EFNB3: variants seen among roughly 807,000 people sequenced by gnomAD.
The protein encoded by EFNB3 is ephrin B3.
Under a neutral mutation model 29.8 loss-of-function variants are expected in EFNB3, and 14 were observed. The observed-to-expected ratio is 0.47, with a 90% CI of 0.31 to 0.73. EFNB3 has a LOEUF of 0.73. Ranked by LOEUF, EFNB3 falls within the 30% of genes least tolerant of loss-of-function variation. The probability of loss-of-function intolerance (pLI) is 0.05; values close to 1 mark genes in which losing one functional copy is unlikely to be tolerated. For synonymous variants in EFNB3, 216 were observed against 191.6 expected, an observed-to-expected ratio of 1.13 and a Z score of -1.05; for missense variants, 408 against 458.0, an observed-to-expected ratio of 0.89 and a Z score of 1.00.
chr17:7,708,595 C>A lies in EFNB3; in HGVS notation c.509-40C>A. On this transcript the variant is annotated intron_variant, in intron 3 of 4. Coordinates refer to ENST00000226091, the MANE Select transcript of EFNB3 (RefSeq NM_001406.4). The surrounding 1 kb of genome is among the most constrained non-coding windows in gnomAD (Gnocchi z 6.8). ...TGGGGCAGTACGATCATGGTTGGGG[C>A]AGTTGTCTCAGCCCCTCTCTGGGTC... is the stretch of plus-strand genomic sequence containing the variant. The A allele has an allele frequency of 6.3e-7, 1 of 1,585,582 alleles. No individual in the cohort carries two copies. Among genetic ancestry groups the A allele is most frequent in the South Asian group, 1.1e-5 (1 of 87,290 alleles).
rs2074334339 is a variant in EFNB3, at chr17:7,708,276, G to A, written c.415+26G>A. On this transcript the variant is annotated intron_variant, in intron 2 of 4. Coordinates refer to ENST00000226091, the MANE Select transcript of EFNB3 (RefSeq NM_001406.4). The surrounding 1 kb of genome is among the most constrained non-coding windows in gnomAD (Gnocchi z 6.8). ...GTACTGCTGGGCAGAGGGCACGATT[G>A]AGTGGGGGGCTCCTGATACTGAGCA... 6.2e-7 allele frequency: 1 copy of A among 1,603,882 alleles called. No homozygotes were observed. The highest frequency in any genetic ancestry group is 1.3e-5 in the African/African-American group (1 of 74,954).
Position 7,705,763 on chromosome 17 carries a change from T to C in EFNB3, c.122+43T>C, listed in dbSNP as rs757681200. On this transcript the variant is annotated intron_variant, in intron 1 of 4. Transcript: ENST00000226091. This position sits in a 1 kb window ranked among gnomAD's most constrained non-coding sequence, Gnocchi z 5.4. ...GGGGAGATCCCAGACCCTAGGGCAG[T>C]GGGTAGGGAAGCTCTGGGGGCTTGG... The C allele has an allele frequency of 6.6e-7, 1 of 1,517,874 alleles. No homozygotes were observed. The highest frequency in any genetic ancestry group is 8.7e-7 in the Non-Finnish European group (1 of 1,148,440). The allele number at this position is 1,517,874 out of a possible 1,614,324, so 94.0% of individuals were successfully genotyped here.
rs2074339383 is a variant in EFNB3 at position 7,709,214 on chromosome 17, C to T, written c.661C>T (p.Pro221Ser). Reference protein sequence around the residue: ...ATSRGAEGPLPPPSMPAVAGA... With the variant: ...ATSRGAEGPLSPPSMPAVAGA... Reference sequence around the variant, plus strand: ...CTCCCGGGGTGCTGAAGGCCCCCTGCCCCCTCCCAGCATGCCTGCAGTGGC... The same window carrying T: ...CTCCCGGGGTGCTGAAGGCCCCCTGTCCCCTCCCAGCATGCCTGCAGTGGC... The change falls in exon 5 of 5, where the codon CCC (proline) becomes TCC (serine). Residue 221 changes from proline (P) to serine (S), a missense_variant. By Grantham distance (74) the Pro-to-Ser change is moderately conservative. Around this residue, in one of 3 missense-constraint regions of EFNB3, gnomAD observed 233 missense variants for 230.7 expected, o/e 1.01. Coordinates refer to ENST00000226091, the MANE Select transcript of EFNB3 (RefSeq NM_001406.4). This position sits in a 1 kb window ranked among gnomAD's most constrained non-coding sequence, Gnocchi z 4.5. The T allele has an allele frequency of 1.2e-6, 2 of 1,602,956 alleles. No individual in the cohort carries two copies. The highest frequency in any genetic ancestry group is 1.1e-5 in the South Asian group (1 of 90,510).
chr17:7,706,559 A>G (rs1372470328), intron 1 of EFNB3, among the ~76,000 whole-genome samples: 1 of 152,176 alleles, frequency 6.6e-6, no homozygotes, highest in East Asian at 1.9e-4. Flanking sequence ...CTACATGCGG[A>G]TCCCACTTCC....
Position 7,709,499 on chromosome 17 carries a change from G to A in EFNB3, c.946G>A (p.Gly316Ser). ...PFCPHYEKVSGDYGHPVYIVQ... is the reference protein window; with the variant it reads ...PFCPHYEKVSSDYGHPVYIVQ... ...CTGCCCCCACTATGAGAAGGTGAGT[G>A]GTGACTATGGGCATCCTGTGTATAT... Residue 316 changes from glycine (G) to serine (S), a missense_variant, in exon 5 of 5, where the codon GGT becomes AGT. Transcript: ENST00000226091. The surrounding 1 kb of genome is among the most constrained non-coding windows in gnomAD (Gnocchi z 4.5). The A allele has an allele frequency of 6.2e-7, 1 of 1,613,860 alleles. No individual in the cohort carries two copies. The highest frequency in any genetic ancestry group is 8.5e-7 in the Non-Finnish European group (1 of 1,179,890).
chr17:7,706,505 G>A (rs893652204), intron 1 of EFNB3, among the ~76,000 whole-genome samples: 2 of 152,160 alleles, frequency 1.3e-5, no homozygotes, highest in South Asian at 2.1e-4. Context: ...TTCAAGCCAC[G>A]CTGGGTAGGA....
chr17:7,707,551 C>T (rs112243049), intron 1 of EFNB3, among the ~76,000 whole-genome samples: 1 of 152,146 alleles, frequency 6.6e-6, no homozygotes, highest in Non-Finnish European at 1.5e-5. Flanking sequence ...AGGCTCTGCC[C>T]GCATGGTTGG....
At chr17:7,706,432 C>G (rs2074328044) in intron 1 of EFNB3, among the ~76,000 whole-genome samples, 1 of 152,160 alleles carries the variant, frequency 6.6e-6, no homozygotes. Flanking sequence ...ACTCTTCCAT[C>G]AGACCCTCTG....
Position 7,709,822 on chromosome 17 carries a change from T to C in EFNB3, c.*246T>C, listed in dbSNP as rs1275063618. 1.7e-5 allele frequency: 10 copies of C among 576,890 alleles called. No homozygotes were observed. Among genetic ancestry groups the C allele is most frequent in the Non-Finnish European group, 3.1e-5 (10 of 326,812 alleles). The allele number at this position is 576,890 out of a possible 1,614,324, so 35.7% of individuals were successfully genotyped here. A position where few individuals can be genotyped will look rare whatever the true frequency, so the allele number is the denominator to read the frequency against. Reference sequence around the variant, plus strand: ...CTCAGTGTCCCTGGATCCTTTTTCCTTGGGGAGGGGCACAGGCTCAGCCTC... The same window carrying C: ...CTCAGTGTCCCTGGATCCTTTTTCCCTGGGGAGGGGCACAGGCTCAGCCTC... On this transcript the variant is annotated 3_prime_UTR_variant, in exon 5 of 5. Transcript: ENST00000226091. This position sits in a 1 kb window ranked among gnomAD's most constrained non-coding sequence, Gnocchi z 4.5.
Position 7,708,505 on chromosome 17 carries a change from G to A in EFNB3, c.486G>A (p.Lys162=). The A allele has an allele frequency of 6.2e-7, 1 of 1,613,978 alleles. No individual in the cohort carries two copies. The highest frequency in any genetic ancestry group is 8.5e-7 in the Non-Finnish European group (1 of 1,179,958). Residue 162 remains lysine (K), a synonymous_variant, in exon 3 of 5, where the codon AAG becomes AAA. Transcript: ENST00000226091. The surrounding 1 kb of genome is among the most constrained non-coding windows in gnomAD (Gnocchi z 6.8). ...QGGVCLTRGM[K]VLLRVGQSPR... Reference sequence around the variant, plus strand: ...GTGTGTGCCTAACCAGAGGCATGAAGGTGCTTCTCCGAGTGGGACAAAGTG... The same window carrying A: ...GTGTGTGCCTAACCAGAGGCATGAAAGTGCTTCTCCGAGTGGGACAAAGTG...
At chr17:7,706,700 C>T (rs914392982) in intron 1 of EFNB3, among the ~76,000 whole-genome samples, 5 of 152,218 alleles carry the variant, frequency 3.3e-5, no homozygotes, top group Admixed American at 6.5e-5. Context: ...CCGCTTTCAG[C>T]TGTGTGGCCT....
chr17:7,706,466 C>A (rs1343238352), intron 1 of EFNB3, among the ~76,000 whole-genome samples: 1 of 152,168 alleles, frequency 6.6e-6, no homozygotes, highest in African/African-American at 2.4e-5. Context: ...CAGCTTTGCT[C>A]TGAAAAGAGG....
chr17:7,705,676 TG>T lies in EFNB3; in HGVS notation c.81del (p.Leu28SerfsTer31). 1.3e-6 allele frequency: 2 copies of T among 1,536,972 alleles called. No homozygotes were observed. The highest frequency in any genetic ancestry group is 1.4e-5 in the African/African-American group (1 of 69,582). On this transcript the variant is annotated frameshift_variant, in exon 1 of 5. Coordinates refer to ENST00000226091, the MANE Select transcript of EFNB3 (RefSeq NM_001406.4). LOFTEE classifies it high-confidence loss of function. The surrounding 1 kb of genome is among the most constrained non-coding windows in gnomAD (Gnocchi z 5.4). ...TGCTGGGGGTTTTGGGGCTGGTGTC[TG>T]GGCTCAGCCTGGAGCCTGTCTACTG... The part of the protein sequence containing the change: ...LLLGVLGLVS[G>X]LSLEPVYWNS...
In EFNB3 at chr17:7,708,075, G is replaced by A. The variant is rs374597546; in HGVS notation, c.240G>A (p.Lys80=). 4 of 1,613,980 alleles carry A rather than the reference G, an allele frequency of 2.5e-6. No individual in the cohort carries two copies. In the African/African-American group the frequency reaches 4.0e-5, roughly 16 times the overall value. ...PHSSPNYEFY[K]LYLVGGAQGR... ...CCTCTCCTAATTATGAGTTCTACAA[G>A]CTGTACCTGGTAGGGGGTGCTCAGG... The change falls in exon 2 of 5, where the codon AAG becomes AAA. Residue 80 remains lysine, a synonymous_variant. Coordinates refer to ENST00000226091, the MANE Select transcript of EFNB3 (RefSeq NM_001406.4). The surrounding 1 kb of genome is among the most constrained non-coding windows in gnomAD (Gnocchi z 6.8).
chr17:7,706,184 G>A (rs1046386197), intron 1 of EFNB3, among the ~76,000 whole-genome samples: 2 of 149,894 alleles, frequency 1.3e-5, no homozygotes, highest in Non-Finnish European at 3.0e-5. Flanking sequence ...CCGTTTGGGG[G>A]CTCTGGGGAC....
chr17:7,707,811 A>G lies in EFNB3; in HGVS notation c.123-147A>G, dbSNP rs894900593. 6.7e-6 allele frequency: 6 copies of G among 901,798 alleles called. No individual in the cohort carries two copies. In the African/African-American group the frequency reaches 6.8e-5, roughly 10 times the overall value. 55.9% of individuals were successfully genotyped at this position (901,798 alleles called of 1,614,324 possible). The stretch of plus-strand genomic sequence containing the variant: ...GCACAGAGTCCTTGGTGCCTGCTCT[A>G]TAAGAAGAGACTTTCCACTCAGACA... On this transcript the variant is annotated intron_variant, in intron 1 of 4. Coordinates refer to ENST00000226091, the MANE Select transcript of EFNB3 (RefSeq NM_001406.4).
chr17:7,709,085 AC>A lies in EFNB3; in HGVS notation c.614-77del. 1 of 1,395,216 alleles carries A rather than the reference AC, an allele frequency of 7.2e-7. No homozygotes were observed. 86.4% of individuals were successfully genotyped at this position (1,395,216 alleles called of 1,614,324 possible). ...GGCGCTACAAGGGAAGCCCATGGGGACCCCCAGGGTTGGGTGTCCAGGTGCC... is the reference window on the plus strand; with the variant it reads ...GGCGCTACAAGGGAAGCCCATGGGGACCCCAGGGTTGGGTGTCCAGGTGCC... On this transcript the variant is annotated intron_variant, in intron 4 of 4. Coordinates refer to ENST00000226091, the MANE Select transcript of EFNB3 (RefSeq NM_001406.4). The surrounding 1 kb of genome is among the most constrained non-coding windows in gnomAD (Gnocchi z 4.5).
In EFNB3 at chr17:7,708,049, T is replaced by C; in HGVS notation, c.214T>C (p.Ser72Pro). 6.2e-7 allele frequency: 1 copy of C among 1,613,948 alleles called. No homozygotes were observed. Among genetic ancestry groups the C allele is most frequent in the Non-Finnish European group, 8.5e-7 (1 of 1,179,980 alleles). ...CPRARPPGPH[S>P]SPNYEFYKLY... ...CCGGGCCCGGCCTCCTGGCCCTCAC[T>C]CCTCTCCTAATTATGAGTTCTACAA... The change falls in exon 2 of 5, where the codon TCC (serine) becomes CCC (proline). Residue 72 changes from serine (S) to proline (P), a missense_variant. Transcript: ENST00000226091. The surrounding 1 kb of genome is among the most constrained non-coding windows in gnomAD (Gnocchi z 6.8).
In EFNB3 at chr17:7,708,337, TC is replaced by T; in HGVS notation, c.415+90del. The T allele has an allele frequency of 1.3e-6, 2 of 1,582,118 alleles. No homozygotes were observed. Among genetic ancestry groups the T allele is most frequent in the Non-Finnish European group, 1.7e-6 (2 of 1,162,418 alleles). ...GGGACCCCTGCAGCCAAGAGGGAGA[TC>T]CCAGTGCCCTCAGGCAGTGTTCACA... On this transcript the variant is annotated intron_variant, in intron 2 of 4. Coordinates refer to ENST00000226091, the MANE Select transcript of EFNB3 (RefSeq NM_001406.4). The surrounding 1 kb of genome is among the most constrained non-coding windows in gnomAD (Gnocchi z 6.8).
Sources: allele counts gnomAD v4.1 joint callset (sites outside exome capture counted in the v4.1 genomes callset), GRCh38; gene constraint gnomAD v4.1.1; regional missense constraint gnomAD v4.1.1; non-coding constraint Gnocchi (gnomAD v3.1); transcripts MANE v1.5; gene names NCBI Gene and HGNC (gene_info 2026-07-23, HGNC 2026-07-21).